SMYD3: variants seen among roughly 807,000 people sequenced by gnomAD.
The protein encoded by SMYD3 is SET and MYND domain containing 3.
In SMYD3, 36 loss-of-function variants were observed where a neutral mutation model predicts 57.7. That is an observed-to-expected ratio of 0.62 (90% confidence interval 0.48 to 0.82). The LOEUF is 0.82. SMYD3 is among the 40% of genes least tolerant of loss of function. The pLI, the probability that SMYD3 is intolerant of heterozygous loss-of-function variation, is 0.00. For missense variants in SMYD3, 515 were observed against 538.8 expected (o/e 0.96, Z 0.44); for synonymous variants, 211 against 195.0 (o/e 1.08, Z -0.68).
At chr1:245,874,665 C>T (rs919840193) in intron 8 of SMYD3, among the ~76,000 whole-genome samples, 6 of 152,066 alleles carry the variant, frequency 3.9e-5, no homozygotes, top group African/African-American at 4.8e-5. Context: ...AGAAACATGT[C>T]GCTGTTCGAG....
At chr1:245,752,333 C>T (rs2045423701) in intron 11 of SMYD3, among the ~76,000 whole-genome samples, 1 of 152,184 alleles carries the variant, frequency 6.6e-6, no homozygotes, top group African/African-American at 2.4e-5. Context: ...CTCACAGAGG[C>T]CCTCGGCTGG....
intron 1 of SMYD3, among the ~76,000 whole-genome samples, chr1:246,371,909 C>G (rs903210601): frequency 6.6e-6 from 1 of 151,956 alleles, no homozygotes; most frequent in Non-Finnish European, 1.5e-5. Flanking sequence ...ATTTGCTCTT[C>G]TGTTTTACAA....
intron 5 of SMYD3, among the ~76,000 whole-genome samples, chr1:245,939,146 A>T (rs2057114121): frequency 6.8e-6 from 1 of 147,566 alleles, no homozygotes; most frequent in South Asian, 2.2e-4. Flanking sequence ...CCATCTCAAT[A>T]AAAAAAATTA....
chr1:246,446,225 G>C (rs2067550067), intron 1 of SMYD3, among the ~76,000 whole-genome samples: 1 of 152,042 alleles, frequency 6.6e-6, no homozygotes, highest in South Asian at 2.1e-4. Flanking sequence ...TTTTACTACT[G>C]GCCAAACTGT....
chr1:246,191,800 T>C (rs1344841915), intron 5 of SMYD3, among the ~76,000 whole-genome samples: 2 of 152,182 alleles, frequency 1.3e-5, no homozygotes, highest in Non-Finnish European at 1.5e-5. Flanking sequence ...AAGAATCAAA[T>C]ATGATAACAC....
chr1:246,440,638 G>T (rs761820808), intron 1 of SMYD3, among the ~76,000 whole-genome samples: 2 of 152,026 alleles, frequency 1.3e-5, no homozygotes, highest in South Asian at 4.1e-4. Flanking sequence ...TAAAAACTAC[G>T]TTAAAATAAA....
In SMYD3 at chr1:246,385,685, T is replaced by C. The variant is rs377763449; in HGVS notation, c.165-30591A>G. Among the ~76,000 whole-genome samples, 21 of 152,288 alleles carry C rather than the reference T, an allele frequency of 1.4e-4. No homozygotes were observed. In the East Asian group the frequency reaches 2.1e-3, roughly 15 times the overall value. On this transcript the variant is annotated intron_variant, in intron 1 of 11. Transcript: ENST00000490107. ...CATTATATTGTCTATGAACAAGAAA[T>C]GAAATGGACATGGACCATCAAAAGC...
intron 1 of SMYD3, among the ~76,000 whole-genome samples, chr1:246,498,105 T>C (rs2068393092): frequency 6.6e-6 from 1 of 152,174 alleles, no homozygotes; most frequent in Non-Finnish European, 1.5e-5. Context: ...CTCACATACA[T>C]CATTAGTGGG....
At chr1:246,159,561 C>CA (rs1362597767) in intron 5 of SMYD3, among the ~76,000 whole-genome samples, 25 of 149,304 alleles carry the variant, frequency 1.7e-4, no homozygotes, top group African/African-American at 6.2e-4. Flanking sequence ...TTTGTAGCCC[C>CA]GAAAAAAAAA....
intron 5 of SMYD3, among the ~76,000 whole-genome samples, chr1:246,098,804 T>A (rs1485981860): frequency 7.5e-6 from 1 of 133,966 alleles, no homozygotes. Flanking sequence ...ATATGTGTAG[T>A]TATATGTACA....
At chr1:246,082,398 A>AC (rs2060650579) in intron 5 of SMYD3, among the ~76,000 whole-genome samples, 2 of 151,578 alleles carry the variant, frequency 1.3e-5, no homozygotes, top group South Asian at 2.1e-4. Flanking sequence ...CAACCAACTC[A>AC]CCCCCCTGGA....
intron 10 of SMYD3, among the ~76,000 whole-genome samples, chr1:245,821,149 C>T (rs2049133525): frequency 6.7e-6 from 1 of 149,956 alleles, no homozygotes; most frequent in Non-Finnish European, 1.5e-5. Context: ...TCAAACTATA[C>T]TACAAGGCTA....
chr1:246,188,975 GGTCT>G (rs954548165), intron 5 of SMYD3: 2 of 149,812 alleles, frequency 1.3e-5, no homozygotes, highest in African/African-American at 5.0e-5. Flanking sequence ...AAAAAAAAAA[GGTCT>G]GTATGTTTCA....
At chr1:246,301,989 T>C (rs1358965284) in intron 5 of SMYD3, among the ~76,000 whole-genome samples, 2 of 152,126 alleles carry the variant, frequency 1.3e-5, no homozygotes, top group Non-Finnish European at 2.9e-5. Flanking sequence ...CTGTGATTCC[T>C]TGGAACAGAC....
At chr1:246,480,506 C>G (rs2068086052) in intron 1 of SMYD3, among the ~76,000 whole-genome samples, 1 of 152,128 alleles carries the variant, frequency 6.6e-6, no homozygotes, top group Non-Finnish European at 1.5e-5. Context: ...GTTTCAAATA[C>G]CTTAGAAGGT....
chr1:246,218,298 T>C (rs1383005393), intron 5 of SMYD3, among the ~76,000 whole-genome samples: 1 of 151,048 alleles, frequency 6.6e-6, no homozygotes, highest in Non-Finnish European at 1.5e-5. Flanking sequence ...GAGAGGGAGA[T>C]AAGAGAGAGA....
intron 5 of SMYD3, among the ~76,000 whole-genome samples, chr1:246,087,809 A>G (rs2060744635): frequency 6.6e-6 from 1 of 152,204 alleles, no homozygotes; most frequent in Non-Finnish European, 1.5e-5. Flanking sequence ...TAGATTCTAC[A>G]TGAAGACTTA....
Position 246,048,523 on chromosome 1 carries a change from C to T in SMYD3, c.532-118586G>A, listed in dbSNP as rs79156463. On this transcript the variant is annotated intron_variant, in intron 5 of 11. Coordinates refer to ENST00000490107, the MANE Select transcript of SMYD3 (RefSeq NM_001167740.2). ...ATATATCACATTACAGCCATTTCTA[C>T]GGAACATAATGCACACATTATGCAA... Among the ~76,000 whole-genome samples, 384 of 152,138 alleles carry T rather than the reference C, an allele frequency of 2.5e-3. 4 individuals carry two copies. In the East Asian group the frequency reaches 0.027, roughly 11 times the overall value.
chr1:245,864,753 TTTC>T (rs1434446823), intron 8 of SMYD3, among the ~76,000 whole-genome samples: 1 of 152,118 alleles, frequency 6.6e-6, no homozygotes, highest in African/African-American at 2.4e-5. Context: ...ACTGGGTGAA[TTTC>T]ATCACAGGTG....
Sources: gnomAD v4.1 joint callset for allele counts (sites outside exome capture counted in the v4.1 genomes callset) on GRCh38, gnomAD v4.1.1 for gene constraint, MANE v1.5 for transcripts, NCBI Gene and HGNC (gene_info 2026-07-23, HGNC 2026-07-21) for gene names.